The following GMEB1 variants were observed in gnomAD, a reference collection of about 807,000 sequenced individuals.
GMEB1 encodes glucocorticoid modulatory element-binding protein 1.
GMEB1 carries 6 observed loss-of-function variants against 52.4 expected under a neutral mutation model. That is an observed-to-expected ratio of 0.11 (90% CI 0.06 to 0.23). GMEB1 has a LOEUF of 0.23. GMEB1 is among the 10% of genes least tolerant of loss of function. GMEB1 has a pLI of 1.00. For synonymous variants in GMEB1, 255 were observed against 244.9 expected, an observed-to-expected ratio of 1.04 and a Z score of -0.38; for missense variants, 486 against 685.6, an observed-to-expected ratio of 0.71 and a Z score of 3.25.
chr1:28,668,315 T>C (rs1668695720), upstream of GMEB1, among the ~76,000 whole-genome samples: 1 of 147,450 alleles, frequency 6.8e-6, no homozygotes, highest in Admixed American at 6.8e-5. Flanking sequence ...GGTCAGACAA[T>C]GCTTAGGGCT....
chr1:28,715,036 A>G lies in GMEB1; in HGVS notation c.*263A>G. ...CAAGAAAGTAATTTCTTTTAGGGGA[A>G]GTGTCAAGATAACAAGTAACCCTGT... On this transcript the variant is annotated 3_prime_UTR_variant, in exon 10 of 10. Coordinates refer to ENST00000373816, the MANE Select transcript of GMEB1 (RefSeq NM_001319674.2). 2.5e-6 allele frequency: 1 copy of G among 406,624 alleles called. No individual in the cohort carries two copies. The highest frequency in any genetic ancestry group is 4.5e-6 in the Non-Finnish European group (1 of 224,214). 25.2% of individuals were successfully genotyped at this position (406,624 alleles called of 1,614,324 possible).
intron 1 of GMEB1, among the ~76,000 whole-genome samples, chr1:28,672,518 C>T (rs1292421640): frequency 1.3e-5 from 2 of 151,652 alleles, no homozygotes; most frequent in African/African-American, 2.4e-5. Flanking sequence ...CCACCACGCC[C>T]GGCCTACTTT....
chr1:28,669,444 A>G (rs559225048), intron 1 of GMEB1, among the ~76,000 whole-genome samples: 9 of 152,148 alleles, frequency 5.9e-5, no homozygotes, highest in African/African-American at 1.9e-4. Flanking sequence ...CGGGAGAGCA[A>G]GAGTACAGAG....
intron 4 of GMEB1, 95 bp downstream of exon 4, chr1:28,691,804 TTTTA>T (rs61127323): frequency 0.24 from 57,503 of 238,478 alleles, 12,015 homozygotes; most frequent in East Asian, 0.49. Flanking sequence ...ACTATATCAG[TTTTA>T]TTTATTTATT....
chr1:28,704,667 G>T (rs568023679), intron 8 of GMEB1, among the ~76,000 whole-genome samples: 1 of 151,690 alleles, frequency 6.6e-6, no homozygotes, highest in South Asian at 2.1e-4. Context: ...GTGTAGTAGC[G>T]CAATCTCAGC....
chr1:28,697,185 ATATATATATATATATG>A (rs900107187), intron 6 of GMEB1, 101 bp downstream of exon 6: 12 of 185,826 alleles, frequency 6.5e-5, no homozygotes, highest in African/African-American at 2.8e-4. Flanking sequence ...ATATATATAT[ATATATATATATATATG>A]TATTTTTTTA....
chr1:28,681,140 G>C (rs1388276928), intron 1 of GMEB1, among the ~76,000 whole-genome samples: 2 of 152,142 alleles, frequency 1.3e-5, no homozygotes, highest in African/African-American at 4.8e-5. Flanking sequence ...TTGTGACGGG[G>C]GTACTGCAGG....
intron 1 of GMEB1, among the ~76,000 whole-genome samples, chr1:28,675,781 C>CG (rs1250984271): frequency 6.6e-6 from 1 of 152,076 alleles, no homozygotes; most frequent in Non-Finnish European, 1.5e-5. Context: ...TCCAAAGCCC[C>CG]GAACGATCAA....
intron 7 of GMEB1, among the ~76,000 whole-genome samples, chr1:28,703,365 G>A (rs960396598): frequency 2.0e-5 from 3 of 151,980 alleles, no homozygotes; most frequent in African/African-American, 4.8e-5. Context: ...TGCTGGGTGC[G>A]TAGATGAAAA....
chr1:28,702,927 C>T (rs1039463373), intron 7 of GMEB1, among the ~76,000 whole-genome samples: 31 of 151,962 alleles, frequency 2.0e-4, no homozygotes, highest in African/African-American at 6.0e-4. Context: ...TGGTAGCAGG[C>T]GCCTGTAGTC....
chr1:28,705,805 T>C (rs1670730874), intron 8 of GMEB1, among the ~76,000 whole-genome samples: 2 of 152,042 alleles, frequency 1.3e-5, no homozygotes, highest in South Asian at 4.2e-4. Context: ...ATGTCCACTA[T>C]GTGTATGTAT....
chr1:28,695,443 G>A (rs1319142914), intron 5 of GMEB1, among the ~76,000 whole-genome samples: 1 of 151,240 alleles, frequency 6.6e-6, no homozygotes, highest in East Asian at 2.0e-4. Context: ...TGTTGGTCAG[G>A]CTGGTCTCAA....
intron 7 of GMEB1, 27 bp from the exon 8 acceptor site, chr1:28,704,165 C>A (rs760562279): frequency 3.8e-6 from 6 of 1,581,086 alleles, no homozygotes; most frequent in Non-Finnish European, 2.6e-6. Flanking sequence ...CTCTTTTTTA[C>A]CCTCTGTCTT....
In GMEB1 at chr1:28,714,058, T is replaced by C; in HGVS notation, c.992-15T>C. 1 of 1,588,396 alleles carries C rather than the reference T, an allele frequency of 6.3e-7. No individual in the cohort carries two copies. ...TTACTTCCCTCTACACAAAGTCTTT[T>C]CTTTTTTTCCATAGACTTGGAACGC... On this transcript the variant is annotated splice_polypyrimidine_tract_variant and intron_variant, in intron 9 of 9. Coordinates refer to ENST00000373816, the MANE Select transcript of GMEB1 (RefSeq NM_001319674.2).
intron 1 of GMEB1, among the ~76,000 whole-genome samples, chr1:28,673,339 C>G (rs1300066845): frequency 1.3e-5 from 2 of 152,092 alleles, no homozygotes; most frequent in Non-Finnish European, 2.9e-5. Flanking sequence ...TCACTGTAAC[C>G]TCCGCCTCCT....
chr1:28,694,532 C>T (rs1219553161), intron 5 of GMEB1, among the ~76,000 whole-genome samples: 1 of 150,822 alleles, frequency 6.6e-6, no homozygotes, highest in African/African-American at 2.4e-5. Flanking sequence ...AAAAAAAAAG[C>T]CCATGTTCTG....
At chr1:28,693,605 C>T (rs962597261) in intron 5 of GMEB1, among the ~76,000 whole-genome samples, 1 of 151,942 alleles carries the variant, frequency 6.6e-6, no homozygotes, top group Non-Finnish European at 1.5e-5. Flanking sequence ...CAACCTCGGC[C>T]TCCCGGGTTC....
chr1:28,684,117 CT>C (rs1302072412), intron 2 of GMEB1, among the ~76,000 whole-genome samples: 3 of 152,278 alleles, frequency 2.0e-5, no homozygotes, highest in Non-Finnish European at 4.4e-5. Context: ...GATCCTCCCA[CT>C]TTAGCCTCCT....
At chr1:28,680,512 G>A (rs1391634923) in intron 1 of GMEB1, among the ~76,000 whole-genome samples, 2 of 151,702 alleles carry the variant, frequency 1.3e-5, no homozygotes, top group Non-Finnish European at 2.9e-5. Context: ...TGAGGTAGGC[G>A]GATCACGAGG....
Sources: allele counts gnomAD v4.1 joint callset (sites outside exome capture counted in the v4.1 genomes callset), GRCh38; gene constraint gnomAD v4.1.1; transcripts MANE v1.5; gene names NCBI Gene and HGNC (gene_info 2026-07-23, HGNC 2026-07-21).